The following AFF3 variants were observed in gnomAD, a reference collection of about 807,000 sequenced individuals.
The protein encoded by AFF3 is ALF transcription elongation factor 3.
A neutral mutation model predicts 129.7 loss-of-function variants in AFF3; 32 were observed. That is an observed-to-expected ratio of 0.25 (90% CI 0.19 to 0.33). AFF3 has a LOEUF of 0.33. Ranked by LOEUF, AFF3 falls within the 10% of genes least tolerant of loss-of-function variation. The pLI is 1.00. For missense variants in AFF3, 1,373 were observed against 1,592.0 expected, an observed-to-expected ratio of 0.86 and a Z score of 2.34; for synonymous variants, 644 against 635.4, an observed-to-expected ratio of 1.01 and a Z score of -0.20.
At chr2:99,885,670 T>C (rs1693059972) in intron 7 of AFF3, among the ~76,000 whole-genome samples, 1 of 152,082 alleles carries the variant, frequency 6.6e-6, no homozygotes, top group African/African-American at 2.4e-5. Context: ...CCATGGCCCC[T>C]TGTAAGTTTT....
chr2:100,010,832 G>C (rs1682460357), intron 4 of AFF3, among the ~76,000 whole-genome samples: 1 of 152,160 alleles, frequency 6.6e-6, no homozygotes, highest in South Asian at 2.1e-4. Context: ...CCGGCTTTCA[G>C]GAACATTCCA....
intron 14 of AFF3, among the ~76,000 whole-genome samples, chr2:99,600,565 G>C (rs1016775026): frequency 2.6e-5 from 4 of 151,920 alleles, no homozygotes; most frequent in Admixed American, 6.6e-5. Flanking sequence ...TAGGAATATG[G>C]CCCCCCCAAA....
rs1680943200 is a variant in AFF3 at position 99,744,097 on chromosome 2, T to G, written c.1039+7A>C. 6.2e-7 allele frequency: 1 copy of G among 1,603,268 alleles called. No individual in the cohort carries two copies. Among genetic ancestry groups the G allele is most frequent in the African/African-American group, 1.3e-5 (1 of 74,470 alleles). ...CAGATGAAACTCCAGAGCGAAGTCT[T>G]TCTTACTTGGATTATTGTGTCCAGA... On this transcript the variant is annotated splice_region_variant and intron_variant, in intron 10 of 24. Coordinates refer to ENST00000672756, the MANE Select transcript of AFF3 (RefSeq NM_001386135.1).
chr2:99,790,616 A>G (rs888961140), intron 8 of AFF3, among the ~76,000 whole-genome samples: 25 of 152,202 alleles, frequency 1.6e-4, no homozygotes, highest in East Asian at 1.9e-4. Flanking sequence ...TTTGGTTGTC[A>G]TAACAGAGTG....
At chr2:100,105,782 C>G (rs890183062) in intron 2 of AFF3, 199 bp from the exon 3 acceptor site, 3 of 1,358,130 alleles carry the variant, frequency 2.2e-6, no homozygotes, top group East Asian at 3.8e-5. Context: ...CTCCTGACCT[C>G]TTGGCCACAG....
chr2:99,816,738 G>A (rs1224082676), intron 8 of AFF3, among the ~76,000 whole-genome samples: 3 of 152,076 alleles, frequency 2.0e-5, no homozygotes, highest in Non-Finnish European at 4.4e-5. Context: ...TAGGCACTCT[G>A]AACAAGAGTC....
intron 4 of AFF3, among the ~76,000 whole-genome samples, chr2:100,011,882 TTA>T (rs1682581884): frequency 6.6e-6 from 1 of 152,044 alleles, no homozygotes; most frequent in African/African-American, 2.4e-5. Context: ...GGTCTGGGAG[TTA>T]TGAGTCATGT....
intron 22 of AFF3, among the ~76,000 whole-genome samples, chr2:99,556,060 G>A (rs1265152181): frequency 6.6e-6 from 1 of 152,138 alleles, no homozygotes; most frequent in African/African-American, 2.4e-5. Context: ...TTCTGAGAAC[G>A]TGATCTATAG....
chr2:100,120,593 C>G (rs1308801546), intron 2 of AFF3, among the ~76,000 whole-genome samples: 1 of 151,886 alleles, frequency 6.6e-6, no homozygotes, highest in African/African-American at 2.4e-5. Flanking sequence ...CTCCCCTTAA[C>G]TTTTTGAGGC....
intron 4 of AFF3, among the ~76,000 whole-genome samples, chr2:100,013,056 T>A (rs1006307997): frequency 6.6e-6 from 1 of 152,208 alleles, no homozygotes; most frequent in Non-Finnish European, 1.5e-5. Flanking sequence ...ACCTTTTTAA[T>A]CAACTCCTTT....
intron 7 of AFF3, among the ~76,000 whole-genome samples, chr2:99,934,358 A>G (rs182655995): frequency 4.3e-4 from 66 of 152,294 alleles, no homozygotes; most frequent in Non-Finnish European, 2.2e-4. Flanking sequence ...GAGCTTTCAT[A>G]AAGTTCTGCT....
chr2:99,840,472 C>T (rs1181223653), intron 7 of AFF3, among the ~76,000 whole-genome samples: 1 of 152,186 alleles, frequency 6.6e-6, no homozygotes, highest in African/African-American at 2.4e-5. Flanking sequence ...AAGGCACAGC[C>T]ACTGCTACTA....
At chr2:99,634,886 C>T (rs1417494996) in intron 13 of AFF3, among the ~76,000 whole-genome samples, 1 of 151,758 alleles carries the variant, frequency 6.6e-6, no homozygotes, top group Middle Eastern at 3.4e-3. Context: ...GGCAGGAGAA[C>T]AGAGCAGCCC....
chr2:99,835,690 T>C (rs1261476423), intron 8 of AFF3, among the ~76,000 whole-genome samples: 1 of 152,172 alleles, frequency 6.6e-6, no homozygotes, highest in Admixed American at 6.5e-5. Flanking sequence ...CTGCTGCTCA[T>C]AGGCTAGGAA....
intron 18 of AFF3, among the ~76,000 whole-genome samples, chr2:99,569,713 T>C (rs1450638238): frequency 1.3e-5 from 2 of 152,172 alleles, no homozygotes; most frequent in Admixed American, 6.5e-5. Flanking sequence ...TTTAGCCCGA[T>C]AGATTAAAAA....
rs1297438565 is a variant in AFF3, at chr2:100,044,979, CG to C, written c.54-36048del. On this transcript the variant is annotated intron_variant, in intron 4 of 24. Transcript: ENST00000672756. ...ACAAGCTAGGGGGATGTGGACAAGACGGCAATCTGCTTTGGGAAGAAGAGCA... is the reference window on the plus strand; with the variant it reads ...ACAAGCTAGGGGGATGTGGACAAGACGCAATCTGCTTTGGGAAGAAGAGCA... 2.0e-5 allele frequency among the ~76,000 whole-genome samples: 3 copies of C among 152,104 alleles called. No homozygotes were observed. The East Asian group carries it at 5.8e-4, about 29-fold the overall frequency.
Position 99,908,910 on chromosome 2 carries a change from G to A in AFF3, c.874-71386C>T, listed in dbSNP as rs566556621. On this transcript the variant is annotated intron_variant, in intron 7 of 24. Transcript: ENST00000672756. The stretch of plus-strand genomic sequence containing the variant: ...AACTAGTTCAACCATTGTGGAAGTC[G>A]GTGTGGCGATTCCTCAGGGATCTAG... Among the ~76,000 whole-genome samples the A allele has an allele frequency of 5.0e-3, 754 of 151,154 alleles. 3 individuals are homozygous for A. The highest frequency in any genetic ancestry group is 6.1e-3 in the Non-Finnish European group (410 of 67,710).
intron 11 of AFF3, among the ~76,000 whole-genome samples, chr2:99,678,510 C>T (rs1462466530): frequency 2.0e-5 from 3 of 152,170 alleles, no homozygotes; most frequent in Non-Finnish European, 4.4e-5. Flanking sequence ...AGGATTTTCC[C>T]TGAATTAGTT....
At chr2:99,782,118 C>A (rs1397707097) in intron 8 of AFF3, among the ~76,000 whole-genome samples, 1 of 152,150 alleles carries the variant, frequency 6.6e-6, no homozygotes, top group East Asian at 1.9e-4. Context: ...ATCTTCTTTA[C>A]ATTCAGGCCA....
Sources: allele counts gnomAD v4.1 joint callset (sites outside exome capture counted in the v4.1 genomes callset), GRCh38; gene constraint gnomAD v4.1.1; transcripts MANE v1.5; gene names NCBI Gene and HGNC (gene_info 2026-07-23, HGNC 2026-07-21).